Variants in ZNF420 observed in about 807,000 individuals in gnomAD.
The protein encoded by ZNF420 is zinc finger protein 420, also known as ATM and p53-associated KZNF protein.
In ZNF420, 31 loss-of-function variants were observed where a neutral mutation model predicts 44.7. The ratio of observed to expected loss-of-function variants is 0.69; its 90% CI spans 0.52 to 0.94. The LOEUF is 0.94. ZNF420 is among the 40% of genes least tolerant of loss of function. The probability of loss-of-function intolerance (pLI) is 0.00; values close to 1 mark genes in which losing one functional copy is unlikely to be tolerated. For missense variants in ZNF420, 681 were observed against 827.9 expected (o/e 0.82, Z 2.18); for synonymous variants, 245 against 267.4 (o/e 0.92, Z 0.82).
At chr19:37,031,729 C>T (rs1967261477) in intron 1 of ZNF420, among the ~76,000 whole-genome samples, 1 of 152,012 alleles carries the variant, frequency 6.6e-6, no homozygotes, top group African/African-American at 2.4e-5. Context: ...CCAGGCTAGT[C>T]TCAAACTCCT....
At chr19:37,077,849 A>G (rs1968198344), upstream of ZNF420, among the ~76,000 whole-genome samples, 1 of 152,164 alleles carries the variant, frequency 6.6e-6, no homozygotes. Flanking sequence ...CTGTTAGACG[A>G]TTCTACACAG....
At chr19:37,013,730 T>C (rs1357957558) in intron 1 of ZNF420, among the ~76,000 whole-genome samples, 1 of 152,170 alleles carries the variant, frequency 6.6e-6, no homozygotes, top group Non-Finnish European at 1.5e-5. Context: ...GTTCATTGAC[T>C]CATCAGCCCA....
intron 1 of ZNF420, among the ~76,000 whole-genome samples, chr19:37,039,005 A>C (rs1357860039): frequency 6.6e-6 from 1 of 152,062 alleles, no homozygotes; most frequent in Non-Finnish European, 1.5e-5. Flanking sequence ...AAAGAAAAGA[A>C]AAGAAAAAAG....
At chr19:37,038,441 ATGCTG>A (rs1967395528) in intron 1 of ZNF420, among the ~76,000 whole-genome samples, 1 of 152,204 alleles carries the variant, frequency 6.6e-6, no homozygotes, top group Non-Finnish European at 1.5e-5. Flanking sequence ...TCACTGTAGC[ATGCTG>A]TGCAGCTTGA....
intron 1 of ZNF420, among the ~76,000 whole-genome samples, chr19:37,057,279 C>T (rs10414520): frequency 0.52 from 79,483 of 152,022 alleles, 21,511 homozygotes; most frequent in African/African-American, 0.63. Context: ...ATCGGGTGAG[C>T]CTCCCCAAAA....
chr19:37,011,690 C>T (rs184795623), intron 1 of ZNF420, among the ~76,000 whole-genome samples: 3 of 152,282 alleles, frequency 2.0e-5, no homozygotes, highest in Admixed American at 1.3e-4. Flanking sequence ...GGGGAGGTCA[C>T]CTGTGCCCCC....
chr19:37,030,202 C>G (rs1967232410), intron 1 of ZNF420, among the ~76,000 whole-genome samples: 2 of 152,148 alleles, frequency 1.3e-5, no homozygotes, highest in Non-Finnish European at 2.9e-5. Flanking sequence ...CGCTCTGTCG[C>G]CCAGGCTGGA....
chr19:37,127,109 A>G lies in ZNF420; in HGVS notation c.137-19A>G, dbSNP rs773391054. The G allele has an allele frequency of 2.8e-6, 4 of 1,434,884 alleles. No individual in the cohort carries two copies. Among genetic ancestry groups the G allele is most frequent in the Non-Finnish European group, 3.7e-6 (4 of 1,090,560 alleles). 88.9% of individuals were successfully genotyped at this position (1,434,884 alleles called of 1,614,324 possible). On this transcript the variant is annotated intron_variant, in intron 4 of 4. Transcript: ENST00000337995. The stretch of plus-strand genomic sequence containing the variant: ...AGAAGTTATATTTCTCAATTTTTTT[A>G]TTCTCTCTTATCTTTCAGACTTGCC...
chr19:37,094,198 A>C (rs1168588035), intron 4 of ZNF420, among the ~76,000 whole-genome samples: 1 of 152,116 alleles, frequency 6.6e-6, no homozygotes, highest in Non-Finnish European at 1.5e-5. Context: ...TTTTTAATTG[A>C]ATGTTCACTC....
chr19:37,032,172 A>G (rs1967271340), intron 1 of ZNF420, among the ~76,000 whole-genome samples: 1 of 152,014 alleles, frequency 6.6e-6, no homozygotes, highest in Admixed American at 6.6e-5. Context: ...GTGAAACCCT[A>G]TCTTTACTAA....
chr19:37,090,924 A>G, intron 3 of ZNF420, 71 bp from the exon 4 acceptor site: 1 of 1,519,370 alleles, frequency 6.6e-7, no homozygotes, highest in African/African-American at 1.4e-5. Context: ...CATCTCAAAA[A>G]AAAAAAAAGA....
intron 1 of ZNF420, among the ~76,000 whole-genome samples, chr19:37,053,305 A>G (rs1020783412): frequency 6.6e-6 from 1 of 152,168 alleles, no homozygotes. Context: ...CATGGGTTCA[A>G]ACTTCCTCCT....
chr19:37,119,783 A>G lies in ZNF420; in HGVS notation c.137-7345A>G, dbSNP rs543683128. ...TCAAATAGATGCAATAAAAAATGAT[A>G]AAGGGGATATCACCACCAATCCCAC... On this transcript the variant is annotated intron_variant, in intron 4 of 4. Transcript: ENST00000337995. Among the ~76,000 whole-genome samples the G allele has an allele frequency of 3.1e-3, 477 of 152,352 alleles. 5 individuals are homozygous for G. Among genetic ancestry groups the G allele is most frequent in the South Asian group, 0.02 (98 of 4,828 alleles).
upstream of ZNF420, chr19:37,078,202 G>C (rs1485322290): frequency 6.7e-6 from 1 of 150,302 alleles, no homozygotes; most frequent in Non-Finnish European, 1.5e-5. Flanking sequence ...CGCACTGAGC[G>C]CGGGCGGGCG....
At chr19:37,012,591 A>T (rs1175386212) in intron 1 of ZNF420, among the ~76,000 whole-genome samples, 1 of 152,106 alleles carries the variant, frequency 6.6e-6, no homozygotes, top group Non-Finnish European at 1.5e-5. Flanking sequence ...GCCTGCCGGG[A>T]CGGCGTTCGA....
At chr19:37,106,701 A>G (rs909760174) in intron 4 of ZNF420, 1 of 152,158 alleles carries the variant, frequency 6.6e-6, no homozygotes, top group Admixed American at 6.5e-5. Context: ...AGGTGGAACG[A>G]GAGACTGAGA....
At chr19:37,066,920 G>A (rs186925773) in intron 1 of ZNF420, among the ~76,000 whole-genome samples, 1 of 152,146 alleles carries the variant, frequency 6.6e-6, no homozygotes, top group African/African-American at 2.4e-5. Flanking sequence ...TGAATAAACT[G>A]TGATACAATC....
chr19:37,111,752 A>G (rs1465914838), intron 4 of ZNF420: 1 of 152,160 alleles, frequency 6.6e-6, no homozygotes, highest in South Asian at 2.1e-4. Context: ...GTTCTTTATT[A>G]TTTATGGCTG....
chr19:37,060,636 C>A (rs1485714335), intron 1 of ZNF420, among the ~76,000 whole-genome samples: 2 of 151,946 alleles, frequency 1.3e-5, no homozygotes, highest in South Asian at 2.1e-4. Flanking sequence ...GTTTGATGAT[C>A]CTGGAGCTCT....
Sources: gnomAD v4.1 joint callset for allele counts (sites outside exome capture counted in the v4.1 genomes callset) on GRCh38, gnomAD v4.1.1 for gene constraint, MANE v1.5 for transcripts, NCBI Gene and HGNC (gene_info 2026-07-23, HGNC 2026-07-21) for gene names.